The following LRRC3B variants were observed in gnomAD, a reference collection of about 807,000 sequenced individuals.
The protein encoded by LRRC3B is leucine-rich repeat-containing protein 3B.
In LRRC3B, 2 loss-of-function variants were observed where a neutral mutation model predicts 12.8. That is an observed-to-expected ratio of 0.16 (90% CI 0.06 to 0.49). LRRC3B has a LOEUF of 0.49. Among genes scored for constraint, LRRC3B ranks in the 20% least tolerant of loss-of-function variants. LRRC3B has a pLI of 0.96. For synonymous variants in LRRC3B, 132 were observed against 122.0 expected, an observed-to-expected ratio of 1.08 and a Z score of -0.54; for missense variants, 189 against 319.4, an observed-to-expected ratio of 0.59 and a Z score of 3.11.
intron 1 of LRRC3B, among the ~76,000 whole-genome samples, chr3:26,704,890 TTTAAA>T (rs1249885863): frequency 6.6e-6 from 1 of 152,220 alleles, no homozygotes; most frequent in Admixed American, 6.5e-5. Context: ...AATTTTATCT[TTTAAA>T]TTAAAAGCCC....
At chr3:26,647,045 C>A (rs1699166825) in intron 1 of LRRC3B, among the ~76,000 whole-genome samples, 1 of 152,200 alleles carries the variant, frequency 6.6e-6, no homozygotes, top group African/African-American at 2.4e-5. Flanking sequence ...TACAGCCATA[C>A]TGGCCTTCCT....
intron 1 of LRRC3B, among the ~76,000 whole-genome samples, chr3:26,635,101 T>C (rs1379432446): frequency 6.6e-6 from 1 of 152,160 alleles, no homozygotes; most frequent in African/African-American, 2.4e-5. Context: ...CTACCTCTGC[T>C]TCTGGAACTG....
intron 1 of LRRC3B, among the ~76,000 whole-genome samples, chr3:26,630,915 C>G (rs1423411479): frequency 6.6e-6 from 1 of 152,096 alleles, no homozygotes; most frequent in African/African-American, 2.4e-5. Context: ...CAGGACAGGC[C>G]CGGGCAAATG....
intron 1 of LRRC3B, among the ~76,000 whole-genome samples, chr3:26,636,824 C>G (rs182586243): frequency 0.023 from 1,693 of 73,670 alleles, 106 homozygotes; most frequent in East Asian, 0.16. Context: ...CTCCCTCCCT[C>G]CCTCCCTCCC....
chr3:26,693,324 G>A (rs1276428731), intron 1 of LRRC3B, among the ~76,000 whole-genome samples: 2 of 110,608 alleles, frequency 1.8e-5, no homozygotes, highest in Admixed American at 2.2e-4. Flanking sequence ...GCGAAACTCC[G>A]TCTCAAAAAA....
intron 1 of LRRC3B, among the ~76,000 whole-genome samples, chr3:26,659,502 A>C (rs1056993859): frequency 1.3e-5 from 2 of 152,206 alleles, no homozygotes; most frequent in Admixed American, 1.3e-4. Context: ...TGATATACAG[A>C]TATTAAGAGA....
intron 1 of LRRC3B, among the ~76,000 whole-genome samples, chr3:26,660,757 T>C (rs1699475762): frequency 1.3e-5 from 2 of 152,330 alleles, no homozygotes; most frequent in East Asian, 1.9e-4. Flanking sequence ...GTCAAAGATG[T>C]AGACCTTGAG....
At chr3:26,664,985 T>G (rs571154254) in intron 1 of LRRC3B, among the ~76,000 whole-genome samples, 35 of 151,786 alleles carry the variant, frequency 2.3e-4, no homozygotes, top group African/African-American at 8.5e-4. Context: ...TTTCAGCATG[T>G]TCCTAGGTGA....
chr3:26,657,599 T>C (rs767954649), intron 1 of LRRC3B, among the ~76,000 whole-genome samples: 6 of 152,338 alleles, frequency 3.9e-5, no homozygotes, highest in African/African-American at 1.2e-4. Context: ...AAAAAGTCCA[T>C]GCCTGCTTTC....
intron 1 of LRRC3B, among the ~76,000 whole-genome samples, chr3:26,678,085 C>T (rs773112459): frequency 1.6e-4 from 24 of 151,952 alleles, no homozygotes; most frequent in Non-Finnish European, 3.1e-4. Context: ...CCAAAGTGCT[C>T]GGTTTACAGG....
chr3:26,705,195 T>C (rs541841510), intron 1 of LRRC3B, among the ~76,000 whole-genome samples: 1 of 152,340 alleles, frequency 6.6e-6, no homozygotes, highest in East Asian at 1.9e-4. Flanking sequence ...TTTTTTCTTC[T>C]GGAAATGGTA....
chr3:26,640,027 A>G (rs1698989731), intron 1 of LRRC3B, among the ~76,000 whole-genome samples: 1 of 152,176 alleles, frequency 6.6e-6, no homozygotes, highest in Admixed American at 6.5e-5. Context: ...CACAGGAGTG[A>G]ATGTTCCTTG....
chr3:26,709,583 G>C, exon 2 of LRRC3B: 1 of 1,290,522 alleles, frequency 7.7e-7, no homozygotes, highest in Non-Finnish European at 1.1e-6. Flanking sequence ...CACGCAAGAA[G>C]GAAATCAATA....
At chr3:26,644,574 T>TG (rs1699103216) in intron 1 of LRRC3B, among the ~76,000 whole-genome samples, 1 of 152,156 alleles carries the variant, frequency 6.6e-6, no homozygotes, top group African/African-American at 2.4e-5. Flanking sequence ...AAAACCATGC[T>TG]GGAGAACAGT....
intron 1 of LRRC3B, among the ~76,000 whole-genome samples, chr3:26,657,339 G>A (rs1699392248): frequency 6.6e-6 from 1 of 152,106 alleles, no homozygotes; most frequent in Non-Finnish European, 1.5e-5. Context: ...AGCATTCCAG[G>A]TATACAGTGC....
intron 1 of LRRC3B, among the ~76,000 whole-genome samples, chr3:26,678,526 C>T (rs1354897654): frequency 6.6e-6 from 1 of 151,708 alleles, no homozygotes; most frequent in Non-Finnish European, 1.5e-5. Flanking sequence ...AGTAGGATTC[C>T]TGGTCAGTGC....
intron 1 of LRRC3B, among the ~76,000 whole-genome samples, chr3:26,673,453 T>G (rs1339898390): frequency 6.6e-6 from 1 of 152,250 alleles, no homozygotes; most frequent in African/African-American, 2.4e-5. Context: ...CATTTCATGT[T>G]AAGTTTTGTT....
intron 1 of LRRC3B, among the ~76,000 whole-genome samples, chr3:26,671,413 G>GAGAGAGAGAGAGAGAGAGACAGAC (rs9331540): frequency 1.0e-5 from 1 of 99,388 alleles, no homozygotes; most frequent in Non-Finnish European, 1.9e-5. Context: ...GAGAGAGAGA[G>GAGAGAGAGAGAGAGAGAGACAGAC]ACGAAGTCTT....
intron 1 of LRRC3B, among the ~76,000 whole-genome samples, chr3:26,691,105 G>GTATATATATATATATATATATATATA (rs1553605090): frequency 2.4e-5 from 2 of 84,830 alleles, no homozygotes; most frequent in Non-Finnish European, 2.2e-5. Context: ...GTGTGTGTGT[G>GTATATATATATATATATATATATATA]TATATATATA....
Sources: gnomAD v4.1 joint callset for allele counts (sites outside exome capture counted in the v4.1 genomes callset) on GRCh38, gnomAD v4.1.1 for gene constraint, MANE v1.5 for transcripts, NCBI Gene and HGNC (gene_info 2026-07-23, HGNC 2026-07-21) for gene names.